The following UST variants were observed in gnomAD, a reference collection of about 807,000 sequenced individuals.
UST encodes uronyl 2-sulfotransferase.
Under a neutral mutation model 45.6 loss-of-function variants are expected in UST, and 21 were observed. The observed-to-expected ratio is 0.46, with a 90% confidence interval of 0.33 to 0.66. The LOEUF (loss-of-function observed/expected upper bound fraction) is 0.66, where lower values mean the gene tolerates loss of function less well. Ranked by LOEUF, UST falls within the 30% of genes least tolerant of loss-of-function variation. The pLI is 0.02. For synonymous variants in UST, 215 were observed against 200.6 expected (o/e 1.07, Z -0.61); for missense variants, 463 against 512.4 (o/e 0.90, Z 0.93).
chr6:148,914,745 G>A (rs537800904), intron 2 of UST, among the ~76,000 whole-genome samples: 2 of 152,168 alleles, frequency 1.3e-5, no homozygotes, highest in South Asian at 2.1e-4. Context: ...TACAGGCCAC[G>A]GACCAGTACC....
chr6:148,961,972 C>T (rs1780667996), intron 4 of UST, among the ~76,000 whole-genome samples: 1 of 152,202 alleles, frequency 6.6e-6, no homozygotes, highest in South Asian at 2.1e-4. Context: ...ATTCTGGCCT[C>T]TTCTGTATAA....
intron 1 of UST, among the ~76,000 whole-genome samples, chr6:148,766,401 C>T (rs1776325994): frequency 6.6e-6 from 1 of 152,198 alleles, no homozygotes; most frequent in East Asian, 1.9e-4. Context: ...CACCCACTTG[C>T]CCTCCTTTAT....
At chr6:148,901,139 C>T (rs898332187) in intron 2 of UST, among the ~76,000 whole-genome samples, 1 of 152,222 alleles carries the variant, frequency 6.6e-6, no homozygotes, top group Non-Finnish European at 1.5e-5. Flanking sequence ...ACATGGGCAT[C>T]TTTGGGGGAC....
chr6:149,073,454 C>T (rs900474141), intron 7 of UST, among the ~76,000 whole-genome samples: 1 of 152,198 alleles, frequency 6.6e-6, no homozygotes, highest in Admixed American at 6.5e-5. Flanking sequence ...AGTGGTTAGA[C>T]AGCTCTTCCA....
chr6:148,995,129 A>G (rs909311104), intron 5 of UST, among the ~76,000 whole-genome samples: 3 of 152,052 alleles, frequency 2.0e-5, no homozygotes, highest in African/African-American at 4.8e-5. Flanking sequence ...GGTTCAAGCT[A>G]TTCTCGTACC....
At chr6:148,784,857 A>G (rs1472424998) in intron 1 of UST, among the ~76,000 whole-genome samples, 5 of 152,264 alleles carry the variant, frequency 3.3e-5, no homozygotes, top group African/African-American at 1.2e-4. Context: ...GAAGTATAGA[A>G]GACTTAGCAG....
intron 2 of UST, among the ~76,000 whole-genome samples, chr6:148,924,214 G>T (rs760951106): frequency 5.9e-5 from 9 of 152,170 alleles, no homozygotes; most frequent in Non-Finnish European, 8.8e-5. Flanking sequence ...TTAAAGGGTT[G>T]TAATCAAAAC....
chr6:148,950,814 C>A (rs769857209), intron 3 of UST, among the ~76,000 whole-genome samples: 5 of 152,200 alleles, frequency 3.3e-5, no homozygotes, highest in Non-Finnish European at 7.3e-5. Context: ...CATGATTGTA[C>A]CTGCCTCTTA....
chr6:149,000,228 C>T (rs1219505540), intron 5 of UST, among the ~76,000 whole-genome samples: 3 of 152,160 alleles, frequency 2.0e-5, no homozygotes, highest in African/African-American at 4.8e-5. Flanking sequence ...GAACTATGCC[C>T]TTATAAGAGG....
chr6:148,909,463 T>C (rs1036228328), intron 2 of UST, among the ~76,000 whole-genome samples: 3 of 152,224 alleles, frequency 2.0e-5, no homozygotes, highest in African/African-American at 7.2e-5. Flanking sequence ...CTTCCACATA[T>C]ATGTATAAAA....
chr6:148,952,005 C>T (rs1239750381), intron 3 of UST, among the ~76,000 whole-genome samples: 1 of 152,124 alleles, frequency 6.6e-6, no homozygotes, highest in African/African-American at 2.4e-5. Flanking sequence ...AACGTTTTTC[C>T]TTCTGACCTG....
intron 5 of UST, among the ~76,000 whole-genome samples, chr6:149,014,772 C>T (rs1021196488): frequency 6.6e-6 from 1 of 152,218 alleles, no homozygotes; most frequent in Admixed American, 6.5e-5. Flanking sequence ...AGTGACCATC[C>T]TCTCAGAGTC....
intron 2 of UST, among the ~76,000 whole-genome samples, chr6:148,928,870 T>G (rs1209604710): frequency 6.6e-6 from 1 of 152,238 alleles, no homozygotes; most frequent in East Asian, 1.9e-4. Flanking sequence ...TTCACCTTGT[T>G]GCTAATTCTC....
chr6:148,937,874 ACC>A (rs1780052372), intron 2 of UST, among the ~76,000 whole-genome samples: 1 of 152,166 alleles, frequency 6.6e-6, no homozygotes. Context: ...ATAATTTCAT[ACC>A]CCAGCCTGGT....
chr6:148,802,956 A>G (rs9373575), intron 1 of UST, among the ~76,000 whole-genome samples: 37,858 of 152,110 alleles, frequency 0.25, 5,721 homozygotes, highest in East Asian at 0.45. Flanking sequence ...TGTCTTCTAC[A>G]AGGCTCTGAA....
At chr6:149,035,139 C>G (rs1350694969) in intron 7 of UST, among the ~76,000 whole-genome samples, 3 of 152,108 alleles carry the variant, frequency 2.0e-5, no homozygotes, top group Non-Finnish European at 4.4e-5. Context: ...TTTCCTCCCT[C>G]AATTGCCATC....
chr6:148,906,515 T>C (rs988066466), intron 2 of UST, among the ~76,000 whole-genome samples: 2 of 152,232 alleles, frequency 1.3e-5, no homozygotes, highest in Non-Finnish European at 2.9e-5. Flanking sequence ...AGTTTCAAAA[T>C]GTGTTCAGAT....
Position 148,913,423 on chromosome 6 carries a change from C to CTT in UST, c.291+26418_291+26419dup, listed in dbSNP as rs34110477. Among the ~76,000 whole-genome samples, 203 of 79,852 alleles carry CTT rather than the reference C, an allele frequency of 2.5e-3. 10 individuals are homozygous for CTT. Among genetic ancestry groups the CTT allele is most frequent in the African/African-American group, 7.8e-3 (155 of 19,946 alleles). The allele number at this position is 79,852 out of a possible 152,430, so 52.4% of individuals were successfully genotyped here. ...ACAGTCCGTATTTGGGACCAAAAAT[C>CTT]TTTTTTTTTTTTTTTTTTTTTTTTT... On this transcript the variant is annotated intron_variant, in intron 2 of 7. Coordinates refer to ENST00000367463, the MANE Select transcript of UST (RefSeq NM_005715.3).
chr6:148,900,337 C>T lies in UST; in HGVS notation c.291+13308C>T, dbSNP rs1423407375. ...TTTGGCTGTGTCCCCACCTAGGTCT[C>T]ATCTTGAATTGTAGCTCCAATAATC... is the stretch of plus-strand genomic sequence containing the variant. On this transcript the variant is annotated intron_variant, in intron 2 of 7. Coordinates refer to ENST00000367463, the MANE Select transcript of UST (RefSeq NM_005715.3). 2.0e-5 allele frequency among the ~76,000 whole-genome samples: 3 copies of T among 152,192 alleles called. No individual in the cohort carries two copies. In the East Asian group the frequency reaches 5.8e-4, roughly 29 times the overall value.
Sources: gnomAD v4.1 joint callset for allele counts (sites outside exome capture counted in the v4.1 genomes callset) on GRCh38, gnomAD v4.1.1 for gene constraint, MANE v1.5 for transcripts, NCBI Gene and HGNC (gene_info 2026-07-23, HGNC 2026-07-21) for gene names.